FAM53B: variants seen among roughly 807,000 people sequenced by gnomAD.
FAM53B encodes family with sequence similarity 53 member B, also known as protein FAM53B.
In FAM53B, 12 loss-of-function variants were observed where a neutral mutation model predicts 32.7. The observed-to-expected ratio is 0.37, with a 90% confidence interval of 0.24 to 0.59. FAM53B has a LOEUF of 0.59. FAM53B is among the 20% of genes least tolerant of loss of function. FAM53B has a pLI of 0.72. For synonymous variants in FAM53B, 234 were observed against 228.7 expected (o/e 1.02, Z -0.21); for missense variants, 477 against 577.7 (o/e 0.83, Z 1.79).
Position 124,620,364 on chromosome 10 carries a change from A to ACC in FAM53B, c.*2876_*2877dup, listed in dbSNP as rs1390136160. 3.0e-5 allele frequency: 4 copies of ACC among 135,408 alleles called. 1 individual carries two copies. The highest frequency in any genetic ancestry group is 2.7e-4 in the South Asian group (1 of 3,712). The allele number at this position is 135,408 out of a possible 1,614,324, so 8.4% of individuals were successfully genotyped here. ...GTGCATGTGGCACTAAGCCCCCCCC[A>ACC]CCGCCCCGGCTTTCCTGCAGGCTTA... On this transcript the variant is annotated 3_prime_UTR_variant, in exon 5 of 5. Coordinates refer to ENST00000337318, the MANE Select transcript of FAM53B (RefSeq NM_014661.4).
At chr10:124,653,934 C>G (rs1347840233) in intron 4 of FAM53B, among the ~76,000 whole-genome samples, 1 of 152,174 alleles carries the variant, frequency 6.6e-6, no homozygotes, top group Non-Finnish European at 1.5e-5. Flanking sequence ...GCCCCAGGAG[C>G]CCGGTCCCAC....
chr10:124,689,823 T>C (rs1381538561), intron 3 of FAM53B, among the ~76,000 whole-genome samples: 2 of 152,236 alleles, frequency 1.3e-5, no homozygotes, highest in African/African-American at 4.8e-5. Flanking sequence ...GATGGGGCAC[T>C]GGGAAGAGGG....
chr10:124,740,799 C>G (rs1950195158), intron 1 of FAM53B, among the ~76,000 whole-genome samples: 2 of 152,320 alleles, frequency 1.3e-5, no homozygotes, highest in South Asian at 4.1e-4. Flanking sequence ...CACCCAAGTC[C>G]CCTGGCCAGA....
intron 1 of FAM53B, among the ~76,000 whole-genome samples, chr10:124,727,344 GT>G (rs1269028590): frequency 0.052 from 2,799 of 53,748 alleles, 2 homozygotes; most frequent in Non-Finnish European, 0.072. Context: ...GGGGGGGGGG[GT>G]GCGGGGGTAC....
chr10:124,650,710 C>T (rs982232660), intron 4 of FAM53B, among the ~76,000 whole-genome samples: 2 of 152,152 alleles, frequency 1.3e-5, no homozygotes, highest in African/African-American at 2.4e-5. Context: ...GGCATTCCTC[C>T]TCCAGAAGGA....
intron 4 of FAM53B, among the ~76,000 whole-genome samples, chr10:124,666,974 G>C (rs940145993): frequency 6.6e-6 from 1 of 152,188 alleles, no homozygotes; most frequent in Non-Finnish European, 1.5e-5. Flanking sequence ...GCTGGCATTG[G>C]GCCCTTCCAG....
chr10:124,669,412 T>C (rs10794174), intron 4 of FAM53B, among the ~76,000 whole-genome samples: 61,810 of 152,124 alleles, frequency 0.41, 13,861 homozygotes, highest in Non-Finnish European at 0.51. Context: ...CGTGCCCGGC[T>C]TTACCAGCCT....
At position 124,623,555 on chromosome 10, in the gene FAM53B, T is replaced by C. The variant is rs1949326372; in HGVS notation, c.956A>G (p.Asp319Gly). ...SLSCLSAGTE[D>G]CGPQSPFARH... ...GGCGAAGGGGCTCTGGGGACCGCAG[T>C]CCTCTGTCCCTGCGCTCAGGCAGCT... Residue 319 changes from aspartate to glycine, a missense_variant, in exon 5 of 5, where the codon GAC (aspartate) becomes GGC (glycine). Physicochemically the swap from Asp to Gly is moderately conservative, Grantham distance 94. Transcript: ENST00000337318. 4 of 1,595,154 alleles carry C rather than the reference T, an allele frequency of 2.5e-6. No homozygotes were observed. Among genetic ancestry groups the C allele is most frequent in the Non-Finnish European group, 3.4e-6 (4 of 1,172,298 alleles).
chr10:124,664,622 C>A (rs769667492), intron 4 of FAM53B, among the ~76,000 whole-genome samples: 52 of 152,176 alleles, frequency 3.4e-4, no homozygotes, highest in Non-Finnish European at 5.7e-4. Context: ...CACCTAAGGA[C>A]GGCAAAAGAC....
intron 4 of FAM53B, among the ~76,000 whole-genome samples, chr10:124,655,725 C>T (rs1000583161): frequency 6.6e-6 from 1 of 152,238 alleles, no homozygotes; most frequent in African/African-American, 2.4e-5. Flanking sequence ...CCCACACACG[C>T]CAGCCTTGGA....
At chr10:124,693,093 G>A (rs1247674321) in intron 3 of FAM53B, among the ~76,000 whole-genome samples, 3 of 152,110 alleles carry the variant, frequency 2.0e-5, no homozygotes, top group Non-Finnish European at 2.9e-5. Context: ...TTTTATCTTC[G>A]CACAGCATTG....
At chr10:124,641,444 C>G (rs916167112) in intron 4 of FAM53B, among the ~76,000 whole-genome samples, 1 of 152,218 alleles carries the variant, frequency 6.6e-6, no homozygotes, top group Non-Finnish European at 1.5e-5. Flanking sequence ...CCAACTCTGT[C>G]CTGGCACCAA....
At position 124,681,781 on chromosome 10, in the gene FAM53B, G is replaced by C. The variant is rs773662292; in HGVS notation, c.732C>G (p.Pro244=). 3.1e-6 allele frequency: 5 copies of C among 1,609,166 alleles called. No individual in the cohort carries two copies. The highest frequency in any genetic ancestry group is 4.2e-6 in the Non-Finnish European group (5 of 1,177,806). ...EQFSFVEYCP[P]SANSTPASTP... ...TTGAGGCAGGTGTGCTGTTGGCTGA[G>C]GGAGGACAGTATTCCACAAAGGAAA... is the stretch of plus-strand genomic sequence containing the variant. The change falls in exon 4 of 5, where the codon CCC becomes CCG. Residue 244 remains proline, a synonymous_variant. Transcript: ENST00000337318.
chr10:124,626,392 C>G (rs993824810), intron 4 of FAM53B, among the ~76,000 whole-genome samples: 2 of 141,848 alleles, frequency 1.4e-5, no homozygotes, highest in South Asian at 2.3e-4. Context: ...ATTTGTGCCC[C>G]CCCCCCCCCC....
At chr10:124,669,809 C>T (rs917895136) in intron 4 of FAM53B, among the ~76,000 whole-genome samples, 2 of 152,064 alleles carry the variant, frequency 1.3e-5, no homozygotes, top group South Asian at 2.1e-4. Flanking sequence ...TACATGGCCT[C>T]GGCACTCCCT....
chr10:124,722,243 CCT>C (rs1312739561), intron 1 of FAM53B, among the ~76,000 whole-genome samples: 10 of 152,042 alleles, frequency 6.6e-5, no homozygotes, highest in African/African-American at 2.2e-4. Context: ...TGCTAATCAC[CCT>C]GAGCCGATCA....
intron 4 of FAM53B, among the ~76,000 whole-genome samples, chr10:124,626,206 C>A (rs547847847): frequency 1.3e-5 from 2 of 152,238 alleles, no homozygotes; most frequent in Non-Finnish European, 2.9e-5. Flanking sequence ...GCAGCAGGAG[C>A]GCAGCCTGCG....
At chr10:124,667,771 C>T (rs1949682101) in intron 4 of FAM53B, among the ~76,000 whole-genome samples, 1 of 152,216 alleles carries the variant, frequency 6.6e-6, no homozygotes, top group Non-Finnish European at 1.5e-5. Flanking sequence ...TCATAAGAAG[C>T]AGAGACCCTT....
intron 1 of FAM53B, among the ~76,000 whole-genome samples, chr10:124,717,636 G>A (rs1950045170): frequency 1.3e-5 from 2 of 152,228 alleles, no homozygotes; most frequent in African/African-American, 4.8e-5. Context: ...GGGAGGTGGT[G>A]TTGCAGAACC....
Sources: allele counts gnomAD v4.1 joint callset (sites outside exome capture counted in the v4.1 genomes callset), GRCh38; gene constraint gnomAD v4.1.1; transcripts MANE v1.5; gene names NCBI Gene and HGNC (gene_info 2026-07-23, HGNC 2026-07-21).